PGGHG: variants seen among roughly 807,000 people sequenced by gnomAD.
PGGHG encodes the protein protein-glucosylgalactosylhydroxylysine glucosidase.
Under a neutral mutation model 74.5 loss-of-function variants are expected in PGGHG, and 67 were observed. The ratio of observed to expected loss-of-function variants is 0.90; its 90% CI spans 0.74 to 1.10. The LOEUF is 1.10. Among genes scored for constraint, PGGHG ranks in the 50% least tolerant of loss-of-function variants. The pLI is 0.00. For missense variants in PGGHG, 1,034 were observed against 981.5 expected, an observed-to-expected ratio of 1.05 and a Z score of -0.72; for synonymous variants, 496 against 419.9, an observed-to-expected ratio of 1.18 and a Z score of -2.21.
At position 289,649 on chromosome 11, in the gene PGGHG, G is replaced by C. The variant is rs1845656515; in HGVS notation, c.-13-155G>C. 1.1e-6 allele frequency: 1 copy of C among 924,078 alleles called. No homozygotes were observed. The allele number at this position is 924,078 out of a possible 1,614,324, so 57.2% of individuals were successfully genotyped here. On this transcript the variant is annotated intron_variant, in intron 1 of 13. Transcript: ENST00000409548. This position sits in a 1 kb window ranked among gnomAD's most constrained non-coding sequence, Gnocchi z 5.6. ...TGAGAGTCGAGCTCCTTTCCTGCGAGGCCCCGTCTAGGAGGGGCCTCAGGA... is the reference window on the plus strand; with the variant it reads ...TGAGAGTCGAGCTCCTTTCCTGCGACGCCCCGTCTAGGAGGGGCCTCAGGA...
At chr11:291,693 C>T (rs1001853854) in intron 4 of PGGHG, 24 of 384,212 alleles carry the variant, frequency 6.2e-5, no homozygotes, top group Non-Finnish European at 1.1e-4. Context: ...CATTCACTGC[C>T]AGCCTGAAGC....
In PGGHG at chr11:292,578, C is replaced by T. The variant is rs575916205; in HGVS notation, c.1059C>T (p.Ser353=). Residue 353 remains serine (S), a synonymous_variant, in exon 6 of 14, where the codon TCC becomes TCT. Coordinates refer to ENST00000409548, the MANE Select transcript of PGGHG (RefSeq NM_025092.5). ...AGTTTGCCTGGGAGAGTGCAGACTC[C>T]GGCCTAGAGGTTTGCCCTGAGGACA... The part of the protein sequence containing the change: ...GAKFAWESAD[S]GLEVCPEDIY... 10 of 1,613,532 alleles carry T rather than the reference C, an allele frequency of 6.2e-6. No homozygotes were observed. Among genetic ancestry groups the T allele is most frequent in the East Asian group, 4.5e-5 (2 of 44,878 alleles).
chr11:290,456 C>A lies in PGGHG; in HGVS notation c.326C>A (p.Thr109Lys). The change falls in exon 3 of 14, where the codon ACG (threonine) becomes AAG (lysine). Residue 109 changes from threonine (T) to lysine (K), a missense_variant. Thr to Lys is a moderately conservative substitution (Grantham distance 78). Transcript: ENST00000409548. Reference sequence around the variant, plus strand: ...TCCCAGTGCATCTATGCGCATCGCACGCTGCCCCACGTGCTGGCTTTCCGA... The same window carrying A: ...TCCCAGTGCATCTATGCGCATCGCAAGCTGCCCCACGTGCTGGCTTTCCGA... ...RASQCIYAHR[T>K]LPHVLAFRVS... 6.5e-7 allele frequency: 1 copy of A among 1,549,672 alleles called. No individual in the cohort carries two copies.
rs1191720775 is a variant in PGGHG, at chr11:293,182, G to T, written c.1290G>T (p.Glu430Asp). ...GTCCAGGAGTCATGTCCCCCGACGAGTACCATTCAGGGGTCAACAACTCTG... is the reference window on the plus strand; with the variant it reads ...GTCCAGGAGTCATGTCCCCCGACGATTACCATTCAGGGGTCAACAACTCTG... ...YHLRGVMSPD[E>D]YHSGVNNSVY... The change falls in exon 8 of 14, where the codon GAG becomes GAT. Residue 430 changes from glutamate (E) to aspartate (D), a missense_variant. Transcript: ENST00000409548. 6.2e-7 allele frequency: 1 copy of T among 1,613,894 alleles called. No individual in the cohort carries two copies. Among genetic ancestry groups the T allele is most frequent in the South Asian group, 1.1e-5 (1 of 91,080 alleles).
rs752085391 is a variant in PGGHG at position 290,671 on chromosome 11, C to T, written c.471-7C>T. On this transcript the variant is annotated splice_polypyrimidine_tract_variant and splice_region_variant and intron_variant, in intron 3 of 13. Transcript: ENST00000409548. Reference sequence around the variant, plus strand: ...CTCATCCCTGAGGCATGGCCACGCTCTCACAGGTACCTGTATGGCCACACC... The same window carrying T: ...CTCATCCCTGAGGCATGGCCACGCTTTCACAGGTACCTGTATGGCCACACC... 2 of 1,608,994 alleles carry T rather than the reference C, an allele frequency of 1.2e-6. No individual in the cohort carries two copies. The highest frequency in any genetic ancestry group is 2.2e-5 in the South Asian group (2 of 90,836).
chr11:291,179 C>T (rs1845710259), intron 4 of PGGHG, 66 bp downstream of exon 4: 12 of 1,480,726 alleles, frequency 8.1e-6, no homozygotes, highest in Non-Finnish European at 1.1e-5. Context: ...GGTCTCTGCC[C>T]TCCCTGGGAC....
chr11:289,661 G>A lies in PGGHG; in HGVS notation c.-13-143G>A. The A allele has an allele frequency of 9.4e-7, 1 of 1,059,470 alleles. No individual in the cohort carries two copies. The highest frequency in any genetic ancestry group is 1.3e-6 in the Non-Finnish European group (1 of 757,680). The allele number at this position is 1,059,470 out of a possible 1,614,324, so 65.6% of individuals were successfully genotyped here. Reference sequence around the variant, plus strand: ...TCCTTTCCTGCGAGGCCCCGTCTAGGAGGGGCCTCAGGAAAATCGGGGCTG... The same window carrying A: ...TCCTTTCCTGCGAGGCCCCGTCTAGAAGGGGCCTCAGGAAAATCGGGGCTG... On this transcript the variant is annotated intron_variant, in intron 1 of 13. Transcript: ENST00000409548. The surrounding 1 kb of genome is among the most constrained non-coding windows in gnomAD (Gnocchi z 5.6).
intron 10 of PGGHG, 27 bp from the exon 11 acceptor site, chr11:293,803 T>C (rs1317335969): frequency 9.3e-6 from 15 of 1,613,332 alleles, no homozygotes; most frequent in Non-Finnish European, 1.3e-5. Flanking sequence ...GCCTCACCCC[T>C]GTGTGTCCTC....
chr11:290,181 G>C lies in PGGHG; in HGVS notation c.259+106G>C, dbSNP rs1290730585. 3.7e-5 allele frequency: 53 copies of C among 1,436,472 alleles called. No homozygotes were observed. The Admixed American group carries it at 1.3e-3, about 36-fold the overall frequency. The allele number at this position is 1,436,472 out of a possible 1,614,324, so 89.0% of individuals were successfully genotyped here. ...AGCACCTCCTGAGTTTACACAGGAA[G>C]TCTCACTAAGACAGGAGGCCCCAGA... On this transcript the variant is annotated intron_variant, in intron 2 of 13. Transcript: ENST00000409548.
chr11:290,047 C>T lies in PGGHG; in HGVS notation c.231C>T (p.Thr77=), dbSNP rs888021345. 40 of 1,540,188 alleles carry T rather than the reference C, an allele frequency of 2.6e-5. No individual in the cohort carries two copies. The African/African-American group carries it at 2.9e-4, about 11-fold the overall frequency. The change falls in exon 2 of 14, where the codon ACC becomes ACT. Residue 77 remains threonine (T), a synonymous_variant. Coordinates refer to ENST00000409548, the MANE Select transcript of PGGHG (RefSeq NM_025092.5). ...CTGCAGGGATGGGGGAGCAGCTGAC[C>T]GAGACCTTCGCCCTGGACACCAACA... ...EAPAGMGEQL[T]ETFALDTNTG...
chr11:294,559 A>G lies in PGGHG; in HGVS notation c.2024A>G (p.His675Arg), dbSNP rs751922900. The G allele has an allele frequency of 3.3e-5, 25 of 764,474 alleles. No homozygotes were observed. The highest frequency in any genetic ancestry group is 3.7e-5 in the Non-Finnish European group (21 of 574,854). 47.4% of individuals were successfully genotyped at this position (764,474 alleles called of 1,614,324 possible). The change falls in exon 14 of 14, where the codon CAC becomes CGC. Residue 675 changes from histidine (H) to arginine (R), a missense_variant. Transcript: ENST00000409548. ...CAGGCTGCCTCTCTCCCTGCAGGAC[A>G]CAAGGTCTCCTTTCCCCGCTCGGCT... is the stretch of plus-strand genomic sequence containing the variant. ...SQSRLSLLPG[H>R]KVSFPRSAGR... is the part of the protein sequence containing the mutation.
intron 5 of PGGHG, 134 bp downstream of exon 5, chr11:292,229 C>A: frequency 7.7e-7 from 1 of 1,293,326 alleles, no homozygotes; most frequent in Non-Finnish European, 1.0e-6. Flanking sequence ...CACCCTGAGG[C>A]TTGTGGGGCC....
intron 4 of PGGHG, chr11:291,517 G>A: frequency 3.9e-6 from 1 of 256,762 alleles, no homozygotes; most frequent in South Asian, 6.7e-5. Flanking sequence ...GGTACTGGAG[G>A]CCGACGGGGG....
At position 290,721 on chromosome 11, in the gene PGGHG, C is replaced by G. The variant is rs572792323; in HGVS notation, c.514C>G (p.Pro172Ala). Reference sequence around the variant, plus strand: ...CCTCACCCCTGAGCAGCCCGGGGGGCCACAGCAAGAGGTACACATGCTGTG... The same window carrying G: ...CCTCACCCCTGAGCAGCCCGGGGGGGCACAGCAAGAGGTACACATGCTGTG... ...HTLTPEQPGG[P>A]QQEVHMLWTP... is the part of the protein sequence containing the mutation. Residue 172 changes from proline (P) to alanine (A), a missense_variant, in exon 4 of 14, where the codon CCA becomes GCA. Physicochemically the swap from Pro to Ala is conservative, Grantham distance 27. Coordinates refer to ENST00000409548, the MANE Select transcript of PGGHG (RefSeq NM_025092.5). 4.3e-5 allele frequency: 69 copies of G among 1,604,522 alleles called. No individual in the cohort carries two copies. The African/African-American group carries it at 8.7e-4, about 20-fold the overall frequency.
chr11:292,469 G>C, intron 5 of PGGHG, 77 bp from the exon 6 acceptor site: 2 of 1,573,070 alleles, frequency 1.3e-6, no homozygotes, highest in African/African-American at 2.7e-5. Flanking sequence ...CCCTCCTCCA[G>C]GGCGAGGGCA....
Position 293,350 on chromosome 11 carries a change from C to T in PGGHG, c.1344-16C>T. 6.2e-7 allele frequency: 1 copy of T among 1,609,496 alleles called. No individual in the cohort carries two copies. ...GTGTAGGGGTTGCAGCCTCCCCCAC[C>T]TACCTCCACCTCCAGCCTGCGCTTT... On this transcript the variant is annotated splice_polypyrimidine_tract_variant and intron_variant, in intron 8 of 13. Transcript: ENST00000409548.
intron 5 of PGGHG, 133 bp from the exon 6 acceptor site, chr11:292,412 CT>C: frequency 8.4e-7 from 1 of 1,194,874 alleles, no homozygotes; most frequent in Non-Finnish European, 1.2e-6. Context: ...TGCAGTGGGC[CT>C]TCTAGCAGTA....
rs115543936 is a variant in PGGHG at position 294,390 on chromosome 11, C to G, written c.1932C>G (p.Thr644=). ...TCTCTTTTTCCGAGGACTCCGTGAC[C>G]GTGGAGGTCACAGCTCGAGCAGGGC... ...LNFSFSEDSV[T]VEVTARAGPW... The change falls in exon 13 of 14, where the codon ACC becomes ACG. Residue 644 remains threonine (T), a synonymous_variant. Coordinates refer to ENST00000409548, the MANE Select transcript of PGGHG (RefSeq NM_025092.5). 9.2e-4 allele frequency: 1,492 copies of G among 1,613,100 alleles called. 14 individuals are homozygous for G. In the African/African-American group the frequency reaches 0.012, roughly 13 times the overall value.
At position 294,575 on chromosome 11, in the gene PGGHG, C is replaced by A; in HGVS notation, c.2040C>A (p.Pro680=). The A allele has an allele frequency of 6.2e-7, 1 of 1,610,824 alleles. No homozygotes were observed. The highest frequency in any genetic ancestry group is 2.2e-5 in the East Asian group (1 of 44,852). ...SLLPGHKVSF[P]RSAGRIQMSP... is the part of the protein sequence containing the mutation. The stretch of plus-strand genomic sequence containing the variant: ...CTGCAGGACACAAGGTCTCCTTTCC[C>A]CGCTCGGCTGGCCGGATACAAATGT... Residue 680 remains proline, a synonymous_variant, in exon 14 of 14, where the codon CCC becomes CCA. Transcript: ENST00000409548.
Sources: gnomAD v4.1 joint callset for allele counts on GRCh38, gnomAD v4.1.1 for gene constraint, Gnocchi (gnomAD v3.1) non-coding constraint, MANE v1.5 for transcripts, NCBI Gene and HGNC (gene_info 2026-07-23, HGNC 2026-07-21) for gene names.